Variants in SDK1 observed in about 807,000 individuals in gnomAD.
SDK1 encodes protein sidekick-1.
In SDK1, 157 loss-of-function variants were observed where a neutral mutation model predicts 245.5. That is an observed-to-expected ratio of 0.64 (90% CI 0.56 to 0.73). SDK1 has a LOEUF of 0.73. SDK1 is among the 30% of genes least tolerant of loss of function. SDK1 has a pLI of 0.00. For synonymous variants in SDK1, 1,647 were observed against 1,278.5 expected (o/e 1.29, Z -6.15); for missense variants, 3,583 against 3,002.3 (o/e 1.19, Z -4.52).
At chr7:4,185,114 C>A (rs949812561) in intron 35 of SDK1, among the ~76,000 whole-genome samples, 8 of 152,158 alleles carry the variant, frequency 5.3e-5, no homozygotes, top group Non-Finnish European at 1.0e-4. Context: ...AACTGTGAAG[C>A]GAGAGGGTCC....
rs1781795541 is a variant in SDK1 at position 3,962,704 on chromosome 7, A to G, written c.1282A>G (p.Ser428Gly). The G allele has an allele frequency of 6.2e-7, 1 of 1,613,810 alleles. No homozygotes were observed. Among genetic ancestry groups the G allele is most frequent in the Non-Finnish European group, 8.5e-7 (1 of 1,179,832 alleles). Reference sequence around the variant, plus strand: ...GTGGTACAAGGATGCCATCTCCATCAGCAGGCTCCAGAATCCTCGATACAA... The same window carrying G: ...GTGGTACAAGGATGCCATCTCCATCGGCAGGCTCCAGAATCCTCGATACAA... Reference protein sequence around the residue: ...LQWYKDAISISRLQNPRYKVL... With the variant: ...LQWYKDAISIGRLQNPRYKVL... The change falls in exon 9 of 45, where the codon AGC becomes GGC. Residue 428 changes from serine to glycine, a missense_variant. Coordinates refer to ENST00000404826, the MANE Select transcript of SDK1 (RefSeq NM_152744.4).
intron 1 of SDK1, among the ~76,000 whole-genome samples, chr7:3,319,876 GT>G (rs1779754659): frequency 2.4e-5 from 1 of 40,990 alleles, no homozygotes; most frequent in Non-Finnish European, 5.1e-5. Context: ...CCCATTCTTA[GT>G]CTTTTTTTTT....
chr7:4,055,503 A>G (rs562248435), intron 19 of SDK1, among the ~76,000 whole-genome samples: 23 of 151,510 alleles, frequency 1.5e-4, no homozygotes, highest in South Asian at 4.2e-4. Context: ...AGGTTCTTCA[A>G]TTTTATTGCT....
chr7:4,257,311 C>T (rs1787695878), intron 44 of SDK1, among the ~76,000 whole-genome samples: 1 of 152,182 alleles, frequency 6.6e-6, no homozygotes, highest in Non-Finnish European at 1.5e-5. Context: ...TCTGATACTG[C>T]ATCCAATCAC....
At chr7:3,468,502 CTAAAAGTAT>C (rs1207726327) in intron 1 of SDK1, among the ~76,000 whole-genome samples, 2 of 152,218 alleles carry the variant, frequency 1.3e-5, no homozygotes, top group Non-Finnish European at 2.9e-5. Context: ...GCCATAAAAC[CTAAAAGTAT>C]TACTCTAACT....
intron 1 of SDK1, among the ~76,000 whole-genome samples, chr7:3,475,701 T>G (rs544254495): frequency 3.8e-4 from 58 of 152,304 alleles, no homozygotes; most frequent in African/African-American, 1.2e-3. Flanking sequence ...GTAAATAAAT[T>G]TACTTAACTC....
chr7:3,573,467 G>T (rs1780180927), intron 1 of SDK1, among the ~76,000 whole-genome samples: 1 of 146,484 alleles, frequency 6.8e-6, no homozygotes, highest in Non-Finnish European at 1.5e-5. Flanking sequence ...GACAGGCTTT[G>T]GGGAGCCCCC....
chr7:3,638,786 A>G (rs184872312), intron 2 of SDK1, among the ~76,000 whole-genome samples: 100 of 151,778 alleles, frequency 6.6e-4, no homozygotes, highest in Non-Finnish European at 1.3e-3. Context: ...AAGTATAATA[A>G]TAATAAAATT....
chr7:3,320,822 A>G (rs1296316897), intron 1 of SDK1, among the ~76,000 whole-genome samples: 2 of 152,214 alleles, frequency 1.3e-5, no homozygotes, highest in African/African-American at 4.8e-5. Context: ...TTGACCAAAA[A>G]AATGTTTAAC....
chr7:3,406,841 A>G (rs1779067707), intron 1 of SDK1, among the ~76,000 whole-genome samples: 1 of 152,186 alleles, frequency 6.6e-6, no homozygotes, highest in Non-Finnish European at 1.5e-5. Context: ...TAGGAAGTTA[A>G]TTGAATCGAG....
chr7:3,911,126 A>G (rs1779147694), intron 5 of SDK1, among the ~76,000 whole-genome samples: 4 of 152,198 alleles, frequency 2.6e-5, no homozygotes, highest in African/African-American at 4.8e-5. Context: ...AACTGGGACA[A>G]AAGTTGAAAG....
intron 1 of SDK1, among the ~76,000 whole-genome samples, chr7:3,474,128 C>T (rs1460662826): frequency 6.5e-5 from 6 of 91,624 alleles, no homozygotes; most frequent in African/African-American, 3.0e-4. Context: ...TTTTTGAGAC[C>T]GTGTCTCTCT....
intron 14 of SDK1, among the ~76,000 whole-genome samples, chr7:4,003,832 G>A (rs1156502385): frequency 6.6e-6 from 1 of 152,248 alleles, no homozygotes; most frequent in Non-Finnish European, 1.5e-5. Flanking sequence ...TTGTGGTGGA[G>A]GGGAGCCTCT....
At chr7:4,115,511 C>T (rs144048355) in intron 25 of SDK1, among the ~76,000 whole-genome samples, 1 of 152,326 alleles carries the variant, frequency 6.6e-6, no homozygotes, top group Non-Finnish European at 1.5e-5. Context: ...TCTTCTCTGA[C>T]TCTCTGCGTT....
At chr7:3,550,242 A>G (rs1320820114) in intron 1 of SDK1, among the ~76,000 whole-genome samples, 1 of 152,172 alleles carries the variant, frequency 6.6e-6, no homozygotes, top group Non-Finnish European at 1.5e-5. Flanking sequence ...GAGGCTGCAA[A>G]TTTAGGCATT....
chr7:3,979,232 C>T (rs1783205943), intron 13 of SDK1, among the ~76,000 whole-genome samples: 1 of 152,186 alleles, frequency 6.6e-6, no homozygotes, highest in African/African-American at 2.4e-5. Flanking sequence ...AGGGCGGCAC[C>T]CACCCGGGTT....
intron 1 of SDK1, among the ~76,000 whole-genome samples, chr7:3,478,683 CTTTA>C (rs746298683): frequency 8.6e-5 from 13 of 151,906 alleles, no homozygotes; most frequent in Non-Finnish European, 1.8e-4. Context: ...ATTATTGAAT[CTTTA>C]TTTATTTTTG....
At chr7:3,564,427 T>C (rs527257871) in intron 1 of SDK1, among the ~76,000 whole-genome samples, 188 of 152,148 alleles carry the variant, frequency 1.2e-3, no homozygotes, top group African/African-American at 4.4e-3. Context: ...AGGCTGAGGT[T>C]GCAGTGAGCC....
chr7:3,822,948 A>C (rs17259496), intron 5 of SDK1, among the ~76,000 whole-genome samples: 8,180 of 151,926 alleles, frequency 0.054, 330 homozygotes, highest in Admixed American at 0.092. Context: ...ATGCCTGCCT[A>C]ATTGGTCCCA....
Sources: gnomAD v4.1 joint callset for allele counts (sites outside exome capture counted in the v4.1 genomes callset) on GRCh38, gnomAD v4.1.1 for gene constraint, MANE v1.5 for transcripts, NCBI Gene and HGNC (gene_info 2026-07-23, HGNC 2026-07-21) for gene names.